The following NRXN1 variants were observed in gnomAD, a reference collection of about 807,000 sequenced individuals.
The protein encoded by NRXN1 is neurexin-1.
A neutral mutation model predicts 150.9 loss-of-function variants in NRXN1; 39 were observed. The ratio of observed to expected loss-of-function variants is 0.26; its 90% CI spans 0.20 to 0.34. NRXN1 has a LOEUF of 0.34. Among genes scored for constraint, NRXN1 ranks in the 10% least tolerant of loss-of-function variants. The pLI, the probability that NRXN1 is intolerant of heterozygous loss-of-function variation, is 1.00. For missense variants in NRXN1, 1,815 were observed against 1,949.9 expected (o/e 0.93, Z 1.30); for synonymous variants, 924 against 757.0 (o/e 1.22, Z -3.62).
chr2:50,309,561 T>A (rs1209197193), intron 17 of NRXN1, among the ~76,000 whole-genome samples: 3 of 152,226 alleles, frequency 2.0e-5, no homozygotes, highest in African/African-American at 7.2e-5. Flanking sequence ...TCTTCACATG[T>A]GTAAAATTCT....
intron 5 of NRXN1, among the ~76,000 whole-genome samples, chr2:50,639,661 T>G (rs1251281089): frequency 1.3e-5 from 2 of 152,164 alleles, no homozygotes; most frequent in African/African-American, 4.8e-5. Context: ...ATCCCTATCC[T>G]AGATACCTAA....
intron 2 of NRXN1, among the ~76,000 whole-genome samples, chr2:50,981,293 C>T (rs1179614342): frequency 6.6e-6 from 1 of 151,116 alleles, no homozygotes; most frequent in Non-Finnish European, 1.5e-5. Flanking sequence ...CCCTTCTCTA[C>T]AAAAAATAAC....
At chr2:50,477,603 T>G (rs2090095474) in intron 15 of NRXN1, among the ~76,000 whole-genome samples, 1 of 152,226 alleles carries the variant, frequency 6.6e-6, no homozygotes, top group South Asian at 2.1e-4. Flanking sequence ...TATAATTAGT[T>G]CTTTGACTCA....
At chr2:50,862,923 C>T (rs1559365304) in intron 5 of NRXN1, among the ~76,000 whole-genome samples, 1 of 152,002 alleles carries the variant, frequency 6.6e-6, no homozygotes, top group Non-Finnish European at 1.5e-5. Context: ...CCTCATTTAT[C>T]TGCCTACGTG....
At chr2:50,823,497 T>C (rs1670019504) in intron 5 of NRXN1, among the ~76,000 whole-genome samples, 1 of 152,206 alleles carries the variant, frequency 6.6e-6, no homozygotes, top group African/African-American at 2.4e-5. Context: ...TTATAAGTAG[T>C]AGCAGAGGCA....
At chr2:50,967,465 T>C (rs1192932965) in intron 2 of NRXN1, among the ~76,000 whole-genome samples, 2 of 152,012 alleles carry the variant, frequency 1.3e-5, no homozygotes, top group Non-Finnish European at 2.9e-5. Flanking sequence ...CCCCATATAA[T>C]ATTTCTTATT....
intron 17 of NRXN1, among the ~76,000 whole-genome samples, chr2:50,270,379 G>T (rs2056347): frequency 0.41 from 62,232 of 151,918 alleles, 12,997 homozygotes; most frequent in Middle Eastern, 0.46. Flanking sequence ...AGTACTTCTA[G>T]AAAATATTGA....
intron 21 of NRXN1, among the ~76,000 whole-genome samples, chr2:49,945,577 C>A (rs192495373): frequency 6.6e-6 from 1 of 152,014 alleles, no homozygotes; most frequent in African/African-American, 2.4e-5. Context: ...GTGATGTTCC[C>A]CTGCCTGTGT....
intron 5 of NRXN1, among the ~76,000 whole-genome samples, chr2:50,787,984 T>G (rs2105573619): frequency 6.6e-6 from 1 of 152,186 alleles, no homozygotes; most frequent in East Asian, 1.9e-4. Flanking sequence ...CTATTGTGAG[T>G]CTGCAGAGAT....
chr2:50,293,485 G>A (rs2073191467), intron 17 of NRXN1, among the ~76,000 whole-genome samples: 1 of 152,058 alleles, frequency 6.6e-6, no homozygotes, highest in Non-Finnish European at 1.5e-5. Context: ...GGGAGACAGG[G>A]ATCTATGAAG....
At chr2:50,234,281 G>T (rs775304617) in intron 18 of NRXN1, among the ~76,000 whole-genome samples, 3 of 152,008 alleles carry the variant, frequency 2.0e-5, no homozygotes, top group Non-Finnish European at 4.4e-5. Context: ...ATCACCTGAG[G>T]TCAGAAGTTC....
intron 5 of NRXN1, among the ~76,000 whole-genome samples, chr2:50,908,270 G>A (rs1361482895): frequency 6.6e-6 from 1 of 151,878 alleles, no homozygotes; most frequent in Non-Finnish European, 1.5e-5. Context: ...AGCAGTTCAT[G>A]TGGAAAAACT....
At chr2:50,001,186 G>C (rs1383984808) in intron 21 of NRXN1, among the ~76,000 whole-genome samples, 3 of 152,148 alleles carry the variant, frequency 2.0e-5, no homozygotes, top group African/African-American at 7.2e-5. Flanking sequence ...TCTAATTTCA[G>C]ATTTCAGTGT....
intron 5 of NRXN1, among the ~76,000 whole-genome samples, chr2:50,860,276 A>C (rs150804632): frequency 9.9e-5 from 15 of 152,008 alleles, no homozygotes; most frequent in Admixed American, 6.6e-4. Context: ...AAAAATTGTG[A>C]GGTATGTCAC....
intron 17 of NRXN1, among the ~76,000 whole-genome samples, chr2:50,334,871 C>T (rs1464394920): frequency 7.9e-5 from 12 of 152,190 alleles, no homozygotes; most frequent in Non-Finnish European, 1.2e-4. Flanking sequence ...CAGACTATAA[C>T]TTTAATCATA....
intron 18 of NRXN1, among the ~76,000 whole-genome samples, chr2:50,214,902 T>C (rs2063290958): frequency 6.6e-6 from 1 of 151,986 alleles, no homozygotes; most frequent in Non-Finnish European, 1.5e-5. Flanking sequence ...TTATCTCGAC[T>C]TTATAAACTG....
chr2:50,516,204 A>C (rs1183388438), intron 12 of NRXN1, among the ~76,000 whole-genome samples: 2 of 152,148 alleles, frequency 1.3e-5, no homozygotes, highest in Non-Finnish European at 2.9e-5. Flanking sequence ...GAGCCACATA[A>C]TTTGAGAGTC....
intron 17 of NRXN1, among the ~76,000 whole-genome samples, chr2:50,329,651 ATATATATATATATATATATATATTT>A (rs2076679498): frequency 1.1e-4 from 1 of 9,366 alleles, no homozygotes; most frequent in East Asian, 8.8e-3. Context: ...ATATATATAT[ATATATATATATATATATATATATTT>A]TTTTTTTTCC....
chr2:49,933,038 A>G (rs1239064054), intron 22 of NRXN1, among the ~76,000 whole-genome samples: 1 of 152,076 alleles, frequency 6.6e-6, no homozygotes, highest in African/African-American at 2.4e-5. Flanking sequence ...TGTTAAGTGT[A>G]AAAACACTTA....
Sources: gnomAD v4.1 joint callset for allele counts (sites outside exome capture counted in the v4.1 genomes callset) on GRCh38, gnomAD v4.1.1 for gene constraint, MANE v1.5 for transcripts, NCBI Gene and HGNC (gene_info 2026-07-23, HGNC 2026-07-21) for gene names.